The following MACF1 variants were observed in gnomAD, a reference collection of about 807,000 sequenced individuals.
The protein encoded by MACF1 is microtubule-actin cross-linking factor 1.
In MACF1, 193 loss-of-function variants were observed where a neutral mutation model predicts 854.8. The observed-to-expected ratio is 0.23, with a 90% CI of 0.20 to 0.25. The LOEUF (loss-of-function observed/expected upper bound fraction) is 0.25. Among genes scored for constraint, MACF1 ranks in the 10% least tolerant of loss-of-function variants. MACF1 has a pLI of 1.00. For missense variants in MACF1, 7,722 were observed against 8,929.1 expected, an observed-to-expected ratio of 0.86 and a Z score of 5.45; for synonymous variants, 3,185 against 3,226.7, an observed-to-expected ratio of 0.99 and a Z score of 0.44.
chr1:39,233,441 G>A (rs1343720829), intron 2 of MACF1, among the ~76,000 whole-genome samples: 1 of 152,112 alleles, frequency 6.6e-6, no homozygotes, highest in African/African-American at 2.4e-5. Context: ...GTGAGCCATG[G>A]CGGCTGTGCC....
At chr1:39,424,305 A>G in intron 61 of MACF1, 111 bp downstream of exon 61, 1 of 842,172 alleles carries the variant, frequency 1.2e-6, no homozygotes, top group Middle Eastern at 3.5e-4. Context: ...GAAGGTGTTT[A>G]ATGGCTTTTA....
chr1:39,091,681 A>G (rs1421560612), intron 2 of MACF1, among the ~76,000 whole-genome samples: 1 of 152,096 alleles, frequency 6.6e-6, no homozygotes, highest in Admixed American at 6.6e-5. Context: ...TTTTTAGTAG[A>G]GACCCATGGT....
At chr1:39,459,889 T>C (rs1644519667) in intron 91 of MACF1, 3 of 1,259,156 alleles carry the variant, frequency 2.4e-6, no homozygotes, top group Non-Finnish European at 3.2e-6. Context: ...TTTAAGCTTA[T>C]TGGGTTCTTG....
chr1:39,385,920 G>A lies in MACF1; in HGVS notation c.14335G>A (p.Asp4779Asn), dbSNP rs1336410962. Residue 4779 changes from aspartate to asparagine, a missense_variant, in exon 57 of 101, where the codon GAC becomes AAC. By Grantham distance (23) the Asp-to-Asn change is conservative (BLOSUM62 1). This residue lies in a region of MACF1 where 2,807 missense variants were observed against 3,235.8 expected (regional missense o/e 0.87). Coordinates refer to ENST00000564288, the MANE Select transcript of MACF1 (RefSeq NM_001394062.1). Reference sequence around the variant, plus strand: ...TGCCCTGCCTCTCCAAGGTTTAGAAGACCTTGCAGGTAAGTTGGGGTGAAG... The same window carrying A: ...TGCCCTGCCTCTCCAAGGTTTAGAAAACCTTGCAGGTAAGTTGGGGTGAAG... ...TVALPLQGLE[D>N]LAADRINRLQ... is the part of the protein sequence containing the mutation. The A allele has an allele frequency of 6.2e-7, 1 of 1,604,632 alleles. No homozygotes were observed.
intron 2 of MACF1, among the ~76,000 whole-genome samples, chr1:39,237,973 T>C (rs983234114): frequency 6.6e-6 from 1 of 152,162 alleles, no homozygotes; most frequent in African/African-American, 2.4e-5. Context: ...TTCTACAAAA[T>C]AGCACCAGTA....
At chr1:39,306,611 T>C (rs1646182474) in intron 23 of MACF1, among the ~76,000 whole-genome samples, 2 of 4,574 alleles carry the variant, frequency 4.4e-4, no homozygotes, top group Non-Finnish European at 8.3e-3. Flanking sequence ...CCATTCTATC[T>C]TTTTTTTTTT....
intron 58 of MACF1, chr1:39,412,934 C>T (rs1361627592): frequency 1.2e-6 from 2 of 1,603,620 alleles, no homozygotes; most frequent in African/African-American, 2.7e-5. Flanking sequence ...TCAATAGTCT[C>T]CTTAGAGGAG....
intron 2 of MACF1, among the ~76,000 whole-genome samples, chr1:39,178,816 G>A (rs963360253): frequency 1.3e-5 from 2 of 152,306 alleles, no homozygotes; most frequent in African/African-American, 4.8e-5. Context: ...AGATCAGGTG[G>A]CTTGTGATCA....
At chr1:39,383,043 C>T (rs1029003893) in intron 56 of MACF1, among the ~76,000 whole-genome samples, 8 of 152,180 alleles carry the variant, frequency 5.3e-5, no homozygotes, top group African/African-American at 1.9e-4. Flanking sequence ...ATTGCTTGAA[C>T]CCACGGGATG....
chr1:39,477,257 A>G (rs1184050507), intron 97 of MACF1, among the ~76,000 whole-genome samples: 1 of 151,260 alleles, frequency 6.6e-6, no homozygotes, highest in Non-Finnish European at 1.5e-5. Context: ...CAGCGTCTTA[A>G]TTTCTCACCC....
At chr1:39,352,957 A>G (rs1341686667) in intron 43 of MACF1, 50 bp from the exon 44 acceptor site, 37 of 1,339,958 alleles carry the variant, frequency 2.8e-5, no homozygotes, top group Non-Finnish European at 3.6e-5. Context: ...CTGTGGTTGT[A>G]TGATTGAGTA....
chr1:39,344,866 C>T (rs1206367116), intron 40 of MACF1, among the ~76,000 whole-genome samples: 9 of 152,130 alleles, frequency 5.9e-5, no homozygotes, highest in Middle Eastern at 3.2e-3. Context: ...TATTGAGAGC[C>T]TGCCTTTCTC....
At chr1:39,238,304 G>T (rs1166264358) in intron 2 of MACF1, among the ~76,000 whole-genome samples, 1 of 152,124 alleles carries the variant, frequency 6.6e-6, no homozygotes, top group African/African-American at 2.4e-5. Context: ...GGTTTGAGGG[G>T]TTGTCTTATC....
At position 39,408,655 on chromosome 1, in the gene MACF1, G is replaced by A. The variant is rs539114590; in HGVS notation, c.15817-13719G>A. 2.9e-3 allele frequency among the ~76,000 whole-genome samples: 437 copies of A among 152,262 alleles called. 1 individual carries two copies. The highest frequency in any genetic ancestry group is 0.027 in the Middle Eastern group (8 of 294). On this transcript the variant is annotated intron_variant, in intron 58 of 100. Transcript: ENST00000564288. ...GAGCGAGACAGGGGCGGGAGGGGCC[G>A]GGCCAGCGGGAGGAGGGCGGGGCTT...
chr1:39,437,560 C>T (rs1644008861), intron 70 of MACF1: 1 of 503,814 alleles, frequency 2.0e-6, no homozygotes, highest in East Asian at 4.8e-5. Context: ...GATCCACACA[C>T]CTCAGCCTCC....
intron 2 of MACF1, among the ~76,000 whole-genome samples, chr1:39,125,754 G>A (rs552008826): frequency 6.6e-6 from 1 of 152,278 alleles, no homozygotes; most frequent in Non-Finnish European, 1.5e-5. Context: ...CACTTTGGGA[G>A]GCCTAGGTGG....
At chr1:39,291,007 C>T (rs1175433002) in intron 15 of MACF1, among the ~76,000 whole-genome samples, 1 of 149,948 alleles carries the variant, frequency 6.7e-6, no homozygotes, top group Non-Finnish European at 1.5e-5. Flanking sequence ...AGTCTCACTC[C>T]GTCACCCAGG....
Position 39,332,744 on chromosome 1 carries a change from C to T in MACF1, c.6156C>T (p.Pro2052=), listed in dbSNP as rs779475908. The T allele has an allele frequency of 1.1e-5, 18 of 1,613,980 alleles. No individual in the cohort carries two copies. Among genetic ancestry groups the T allele is most frequent in the Middle Eastern group, 1.6e-4 (1 of 6,084 alleles). The change falls in exon 37 of 101, where the codon CCC becomes CCT. Residue 2052 remains proline (P), a synonymous_variant. Transcript: ENST00000564288. ...FQFSSQNKEY[P]DREDCTTEKG... ...TTTCTTCTCAGAACAAAGAATATCC[C>T]GATCGGGAAGATTGCACTACAGAAA...
At chr1:39,365,822 C>A (rs775341669) in intron 49 of MACF1, among the ~76,000 whole-genome samples, 3 of 151,944 alleles carry the variant, frequency 2.0e-5, no homozygotes, top group Admixed American at 6.6e-5. Context: ...ATTACAGGGG[C>A]CTGCCACCAC....
Sources: allele counts gnomAD v4.1 joint callset (sites outside exome capture counted in the v4.1 genomes callset), GRCh38; gene constraint gnomAD v4.1.1; regional missense constraint gnomAD v4.1.1; transcripts MANE v1.5; gene names NCBI Gene and HGNC (gene_info 2026-07-23, HGNC 2026-07-21).